Variants in MTREX observed in about 807,000 individuals in gnomAD.
MTREX encodes exosome RNA helicase MTR4.
In MTREX, 76 loss-of-function variants were observed where a neutral mutation model predicts 135.4. The observed-to-expected ratio is 0.56, with a 90% CI of 0.47 to 0.68. The LOEUF is 0.68. Ranked by LOEUF, MTREX falls within the 30% of genes least tolerant of loss-of-function variation. The probability of loss-of-function intolerance (pLI) is 0.00; values close to 1 mark genes in which losing one functional copy is unlikely to be tolerated. For synonymous variants in MTREX, 404 were observed against 401.6 expected (o/e 1.01, Z -0.07); for missense variants, 920 against 1,262.1 (o/e 0.73, Z 4.11).
intron 16 of MTREX, among the ~76,000 whole-genome samples, chr5:55,374,102 A>G (rs1488129946): frequency 6.6e-6 from 1 of 151,956 alleles, no homozygotes; most frequent in Non-Finnish European, 1.5e-5. Context: ...TACTAAAAAT[A>G]CAAAATTTAG....
chr5:55,348,120 C>A (rs1191965131), intron 11 of MTREX, among the ~76,000 whole-genome samples: 1 of 152,060 alleles, frequency 6.6e-6, no homozygotes, highest in East Asian at 1.9e-4. Context: ...AAATTTATTT[C>A]TTATAGTTTG....
intron 22 of MTREX, among the ~76,000 whole-genome samples, chr5:55,408,249 T>C (rs2111608341): frequency 6.6e-6 from 1 of 152,350 alleles, no homozygotes; most frequent in African/African-American, 2.4e-5. Flanking sequence ...TCTTGCATAT[T>C]TTTGCAAAGA....
intron 5 of MTREX, among the ~76,000 whole-genome samples, chr5:55,332,073 T>G (rs764897103): frequency 3.9e-5 from 6 of 152,146 alleles, no homozygotes; most frequent in Non-Finnish European, 8.8e-5. Context: ...TTGTGTAGTC[T>G]TGCTACTCAA....
At chr5:55,405,687 G>C (rs1341397949) in intron 22 of MTREX, 99 bp downstream of exon 22, 2 of 1,037,606 alleles carry the variant, frequency 1.9e-6, no homozygotes, top group Non-Finnish European at 2.8e-6. Flanking sequence ...CTGTTGCCCA[G>C]GCTGGAGTGC....
chr5:55,385,787 A>T (rs1275300431), intron 18 of MTREX, among the ~76,000 whole-genome samples: 1 of 152,206 alleles, frequency 6.6e-6, no homozygotes, highest in Non-Finnish European at 1.5e-5. Flanking sequence ...TAGCTAACAT[A>T]GTTACAAGTA....
intron 1 of MTREX, among the ~76,000 whole-genome samples, chr5:55,315,272 A>T (rs759665381): frequency 1.3e-5 from 2 of 152,168 alleles, no homozygotes; most frequent in Non-Finnish European, 2.9e-5. Context: ...TAGACTAGGG[A>T]TATTATTTCT....
chr5:55,403,420 T>G (rs1304381488), intron 21 of MTREX, among the ~76,000 whole-genome samples: 1 of 152,134 alleles, frequency 6.6e-6, no homozygotes, highest in Non-Finnish European at 1.5e-5. Context: ...AGCCACATTT[T>G]AAAAAAGAAA....
rs1179921424 is a variant in MTREX at position 55,378,336 on chromosome 5, G to C, written c.1833G>C (p.Gln611His). The part of the protein sequence containing the change: ...VVEKVKNSEE[Q>H]YNKIVIPNEE... Reference sequence around the variant, plus strand: ...CAGAGGTAAAGAATTCAGAAGAACAGTATAATAAAATAGTAATTCCCAATG... The same window carrying C: ...CAGAGGTAAAGAATTCAGAAGAACACTATAATAAAATAGTAATTCCCAATG... Residue 611 changes from glutamine to histidine, a missense_variant, in exon 17 of 27, where the codon CAG (glutamine) becomes CAC (histidine). Around this residue, in one of 6 missense-constraint regions of MTREX, gnomAD observed 467 missense variants for 589.7 expected, o/e 0.79. Transcript: ENST00000230640. 2 of 1,604,444 alleles carry C rather than the reference G, an allele frequency of 1.2e-6. No homozygotes were observed. The highest frequency in any genetic ancestry group is 1.3e-5 in the African/African-American group (1 of 74,322).
At chr5:55,308,420 C>T (rs1213094430) in intron 1 of MTREX, among the ~76,000 whole-genome samples, 1 of 151,832 alleles carries the variant, frequency 6.6e-6, no homozygotes, top group African/African-American at 2.4e-5. Context: ...GCGGTTGTCT[C>T]CTGCATCAGC....
At chr5:55,359,003 A>G (rs1192574197) in intron 15 of MTREX, among the ~76,000 whole-genome samples, 17 of 152,162 alleles carry the variant, frequency 1.1e-4, no homozygotes, top group Admixed American at 1.1e-3. Context: ...TCCACTGCAC[A>G]AGTTGTTCTT....
At chr5:55,381,931 T>C (rs1750402118) in intron 18 of MTREX, among the ~76,000 whole-genome samples, 1 of 152,228 alleles carries the variant, frequency 6.6e-6, no homozygotes, top group Non-Finnish European at 1.5e-5. Context: ...TCAAGCTCTG[T>C]TAAAATGTAT....
chr5:55,380,653 TTATG>T (rs1247026490), intron 18 of MTREX, among the ~76,000 whole-genome samples: 1 of 152,210 alleles, frequency 6.6e-6, no homozygotes, highest in Non-Finnish European at 1.5e-5. Context: ...ATTATTTTCT[TTATG>T]TATCGGGATT....
chr5:55,361,813 G>A (rs1176036685), intron 15 of MTREX, among the ~76,000 whole-genome samples: 3 of 150,840 alleles, frequency 2.0e-5, no homozygotes, highest in South Asian at 2.1e-4. Context: ...GGCTGATCTC[G>A]ATCTTCTGGG....
At chr5:55,363,703 T>A (rs763928624) in intron 15 of MTREX, among the ~76,000 whole-genome samples, 1 of 152,196 alleles carries the variant, frequency 6.6e-6, no homozygotes, top group Non-Finnish European at 1.5e-5. Flanking sequence ...CCAATATGAC[T>A]TGCCCTCCAT....
Position 55,425,252 on chromosome 5 carries a change from T to C in MTREX, c.*480T>C. The C allele has an allele frequency of 3.1e-6, 5 of 1,613,930 alleles. No homozygotes were observed. Among genetic ancestry groups the C allele is most frequent in the Non-Finnish European group, 4.2e-6 (5 of 1,179,890 alleles). On this transcript the variant is annotated 3_prime_UTR_variant, in exon 27 of 27. Transcript: ENST00000230640. ...ATAGTGATTCCCAGTTGTTGGTGTT[T>C]CATGCAGAGTTGTATGAGAGTCCTC...
At position 55,327,819 on chromosome 5, in the gene MTREX, A is replaced by G. The variant is rs779515397; in HGVS notation, c.402+41A>G. The G allele has an allele frequency of 3.6e-6, 5 of 1,382,758 alleles. No homozygotes were observed. In the East Asian group the frequency reaches 6.9e-5, roughly 19 times the overall value. 85.7% of individuals were successfully genotyped at this position (1,382,758 alleles called of 1,614,324 possible). On this transcript the variant is annotated intron_variant, in intron 4 of 26. Coordinates refer to ENST00000230640, the MANE Select transcript of MTREX (RefSeq NM_015360.5). ...AATACAGTTTATATAGTTTCGTGAG[A>G]CTCTCTTTTTCTTAAAATTCTTATT...
rs1425122039 is a variant in MTREX at position 55,424,824 on chromosome 5, C to T, written c.*52C>T. 1.5e-6 allele frequency: 2 copies of T among 1,293,648 alleles called. No homozygotes were observed. Among genetic ancestry groups the T allele is most frequent in the South Asian group, 2.4e-5 (2 of 83,770 alleles). The allele number at this position is 1,293,648 out of a possible 1,614,324, so 80.1% of individuals were successfully genotyped here. ...AAATTATTGACCACCTGTTTGATTA[C>T]AGTTGACTACAAATGCCTGCAAGTG... On this transcript the variant is annotated 3_prime_UTR_variant, in exon 27 of 27. Coordinates refer to ENST00000230640, the MANE Select transcript of MTREX (RefSeq NM_015360.5).
At chr5:55,348,859 G>A (rs1268520661) in intron 11 of MTREX, among the ~76,000 whole-genome samples, 1 of 152,196 alleles carries the variant, frequency 6.6e-6, no homozygotes, top group East Asian at 1.9e-4. Context: ...CAGTGCAATG[G>A]TTAAGAAAGA....
chr5:55,405,239 T>C (rs1750783604), intron 21 of MTREX, 186 bp from the exon 22 acceptor site: 3 of 498,508 alleles, frequency 6.0e-6, no homozygotes, highest in African/African-American at 1.9e-5. Flanking sequence ...ATTACTCTTG[T>C]GTAATGTTCC....
Sources: allele counts gnomAD v4.1 joint callset (sites outside exome capture counted in the v4.1 genomes callset), GRCh38; gene constraint gnomAD v4.1.1; regional missense constraint gnomAD v4.1.1; transcripts MANE v1.5; gene names NCBI Gene and HGNC (gene_info 2026-07-23, HGNC 2026-07-21).